Variants in ZNF169 observed in about 807,000 individuals in gnomAD.
ZNF169 encodes zinc finger protein 169.
A neutral mutation model predicts 12.0 loss-of-function variants in ZNF169; 11 were observed. The ratio of observed to expected loss-of-function variants is 0.92; its 90% confidence interval spans 0.58 to 1.52. The LOEUF is 1.52. Ranked by LOEUF, ZNF169 falls within the 40% of genes most tolerant of loss-of-function variation. ZNF169 has a pLI of 0.00. For synonymous variants in ZNF169, 302 were observed against 286.5 expected (o/e 1.05, Z -0.55); for missense variants, 722 against 744.0 (o/e 0.97, Z 0.34).
intron 1 of ZNF169, among the ~76,000 whole-genome samples, chr9:94,260,976 C>T (rs1044550011): frequency 6.6e-6 from 1 of 151,306 alleles, no homozygotes; most frequent in African/African-American, 2.4e-5. Context: ...CCCGCCACCA[C>T]GCCCGGCTAA....
At chr9:94,260,422 A>T (rs2118527044) in intron 1 of ZNF169, among the ~76,000 whole-genome samples, 1 of 151,618 alleles carries the variant, frequency 6.6e-6, no homozygotes, top group South Asian at 2.1e-4. Context: ...CTTGGCCACT[A>T]GGACCCGGGT....
chr9:94,273,263 T>C (rs1158354947), intron 1 of ZNF169, among the ~76,000 whole-genome samples: 1 of 152,138 alleles, frequency 6.6e-6, no homozygotes, highest in East Asian at 1.9e-4. Context: ...TGCTTGTTCT[T>C]TTAGTGTCAT....
chr9:94,273,380 C>G (rs569657257), intron 1 of ZNF169, among the ~76,000 whole-genome samples: 20 of 151,316 alleles, frequency 1.3e-4, no homozygotes, highest in African/African-American at 4.8e-4. Context: ...ATTTTTTTTG[C>G]AAACACCCTT....
At chr9:94,296,302 A>G (rs1051416718) in intron 4 of ZNF169, among the ~76,000 whole-genome samples, 1 of 152,102 alleles carries the variant, frequency 6.6e-6, no homozygotes, top group African/African-American at 2.4e-5. Context: ...ATTTACAAAC[A>G]TTTTTTCTGT....
chr9:94,288,528 T>G, intron 2 of ZNF169: 1 of 567,314 alleles, frequency 1.8e-6, no homozygotes. Flanking sequence ...TGACAGGATC[T>G]CATATGTGAG....
chr9:94,295,684 A>T (rs1830935898), intron 4 of ZNF169: 1 of 152,188 alleles, frequency 6.6e-6, no homozygotes, highest in Non-Finnish European at 1.5e-5. Context: ...CACTCAGCAT[A>T]AGTATTTTGA....
chr9:94,292,432 T>G lies in ZNF169; in HGVS notation c.125T>G (p.Val42Gly), dbSNP rs1587686600. Residue 42 changes from valine to glycine, a missense_variant, in exon 3 of 5, where the codon GTG becomes GGG. Transcript: ENST00000395395. ...SSAQRTLYREVMLENYSHLVS... is the reference protein window; with the variant it reads ...SSAQRTLYREGMLENYSHLVS... ...GCTCAGAGGACCCTGTACAGGGAGG[T>G]GATGCTGGAGAACTACAGCCATCTG... 1 of 1,613,890 alleles carries G rather than the reference T, an allele frequency of 6.2e-7. No homozygotes were observed. Among genetic ancestry groups the G allele is most frequent in the Non-Finnish European group, 8.5e-7 (1 of 1,179,934 alleles).
chr9:94,299,381 C>A, intron 4 of ZNF169: 1 of 494,464 alleles, frequency 2.0e-6, no homozygotes, highest in South Asian at 1.0e-4. Context: ...GCATGGCTCC[C>A]CTTCAGATGC....
chr9:94,270,691 TATA>T (rs1337124303), intron 1 of ZNF169, among the ~76,000 whole-genome samples: 2 of 37,818 alleles, frequency 5.3e-5, no homozygotes, highest in Non-Finnish European at 1.6e-4. Context: ...TATATAAATA[TATA>T]ATTTATATAA....
At chr9:94,267,254 G>A (rs974401245) in intron 1 of ZNF169, among the ~76,000 whole-genome samples, 1 of 152,162 alleles carries the variant, frequency 6.6e-6, no homozygotes, top group African/African-American at 2.4e-5. Flanking sequence ...GTCAGAAAGT[G>A]ACATTCTTTA....
intron 2 of ZNF169, chr9:94,287,898 C>T: frequency 1.0e-6 from 1 of 969,918 alleles, no homozygotes; most frequent in Non-Finnish European, 1.7e-6. Context: ...TATTCCGAAG[C>T]TAGTGTTACT....
Position 94,259,678 on chromosome 9 carries a change from G to A in ZNF169, c.-56+333G>A, listed in dbSNP as rs139021538. 3.2e-3 allele frequency among the ~76,000 whole-genome samples: 486 copies of A among 152,126 alleles called. 2 individuals carry two copies. The highest frequency in any genetic ancestry group is 9.7e-3 in the East Asian group (50 of 5,148). ...TTCGCAGGTGCGTCCCCGGTACTTC[G>A]GGGGCCGCTGAGTGGGCTCTGCCTG... On this transcript the variant is annotated intron_variant, in intron 1 of 4. Coordinates refer to ENST00000395395, the MANE Select transcript of ZNF169 (RefSeq NM_194320.4).
chr9:94,292,898 G>T (rs972841797), intron 3 of ZNF169, 76 bp from the exon 4 acceptor site: 10 of 1,287,950 alleles, frequency 7.8e-6, no homozygotes, highest in East Asian at 2.5e-5. Context: ...TGCATTCCTG[G>T]GTTGGCTCTG....
chr9:94,266,270 C>T (rs1218402552), intron 1 of ZNF169, among the ~76,000 whole-genome samples: 1 of 152,172 alleles, frequency 6.6e-6, no homozygotes, highest in African/African-American at 2.4e-5. Context: ...TGACCTGCCA[C>T]AATCCCCACT....
chr9:94,297,951 G>T (rs986735778), intron 4 of ZNF169, among the ~76,000 whole-genome samples: 1 of 151,678 alleles, frequency 6.6e-6, no homozygotes. Context: ...CGAATCACTT[G>T]AGGTCAGGAG....
chr9:94,260,700 T>C (rs1830187369), intron 1 of ZNF169, among the ~76,000 whole-genome samples: 1 of 151,822 alleles, frequency 6.6e-6, no homozygotes. Context: ...ACAAGCAGAA[T>C]GGTGCCCATA....
At chr9:94,290,620 A>G (rs939070402) in intron 2 of ZNF169, among the ~76,000 whole-genome samples, 4 of 152,200 alleles carry the variant, frequency 2.6e-5, no homozygotes, top group Non-Finnish European at 4.4e-5. Flanking sequence ...TGTGTATACC[A>G]CATTTTCTTT....
At position 94,280,252 on chromosome 9, in the gene ZNF169, A is replaced by G. The variant is rs145541635; in HGVS notation, c.33+1407A>G. ...TACACCTTTGAGAGAAATCTGTAAC[A>G]TCTTTGAGAGAAAATGTGTATGTAG... On this transcript the variant is annotated intron_variant, in intron 2 of 4. Transcript: ENST00000395395. Among the ~76,000 whole-genome samples the G allele has an allele frequency of 2.9e-3, 436 of 152,350 alleles. 2 individuals carry two copies. Among genetic ancestry groups the G allele is most frequent in the African/African-American group, 9.0e-3 (374 of 41,580 alleles).
intron 1 of ZNF169, among the ~76,000 whole-genome samples, chr9:94,276,642 G>T (rs1001835199): frequency 6.6e-6 from 1 of 152,184 alleles, no homozygotes; most frequent in Admixed American, 6.5e-5. Context: ...TCCATCCTTG[G>T]CCTCCCAAAG....
Sources: gnomAD v4.1 joint callset for allele counts (sites outside exome capture counted in the v4.1 genomes callset) on GRCh38, gnomAD v4.1.1 for gene constraint, MANE v1.5 for transcripts, NCBI Gene and HGNC (gene_info 2026-07-23, HGNC 2026-07-21) for gene names.